The following ASTN2 variants were observed in gnomAD, a reference collection of about 807,000 sequenced individuals.
ASTN2 encodes astrotactin-2.
ASTN2 carries 54 observed loss-of-function variants against 139.8 expected under a neutral mutation model. The ratio of observed to expected loss-of-function variants is 0.39; its 90% CI spans 0.31 to 0.48. The LOEUF (loss-of-function observed/expected upper bound fraction) is 0.48. Among genes scored for constraint, ASTN2 ranks in the 20% least tolerant of loss-of-function variants. The pLI is 0.95. For synonymous variants in ASTN2, 756 were observed against 719.5 expected, an observed-to-expected ratio of 1.05 and a Z score of -0.81; for missense variants, 1,565 against 1,725.1, an observed-to-expected ratio of 0.91 and a Z score of 1.64.
intron 10 of ASTN2, among the ~76,000 whole-genome samples, chr9:116,944,669 A>G (rs1835334998): frequency 6.9e-6 from 1 of 144,326 alleles, no homozygotes; most frequent in African/African-American, 2.6e-5. Context: ...GCGACAGAGT[A>G]AGACTCTGTC....
At chr9:116,804,729 T>C (rs1390197580) in intron 13 of ASTN2, among the ~76,000 whole-genome samples, 1 of 152,158 alleles carries the variant, frequency 6.6e-6, no homozygotes, top group Non-Finnish European at 1.5e-5. Context: ...TGGTGACTTA[T>C]TACTAGTTCT....
At chr9:117,252,473 G>A (rs1379804982) in intron 2 of ASTN2, among the ~76,000 whole-genome samples, 1 of 152,066 alleles carries the variant, frequency 6.6e-6, no homozygotes, top group Non-Finnish European at 1.5e-5. Flanking sequence ...TGCCAGACAC[G>A]CACTACCACC....
At position 116,816,404 on chromosome 9, in the gene ASTN2, G is replaced by A. The variant is rs1177467940; in HGVS notation, c.2207+4213C>T. On this transcript the variant is annotated intron_variant, in intron 12 of 22. Transcript: ENST00000313400. ...GCTTCTGTCTACCATTCTGGTACTTGTGCTCTGTCAATATCAATCAGGACC... is the reference window on the plus strand; with the variant it reads ...GCTTCTGTCTACCATTCTGGTACTTATGCTCTGTCAATATCAATCAGGACC... 3.3e-5 allele frequency among the ~76,000 whole-genome samples: 5 copies of A among 152,240 alleles called. No individual in the cohort carries two copies. The East Asian group carries it at 7.7e-4, about 23-fold the overall frequency.
chr9:116,556,620 A>C (rs761315212), intron 19 of ASTN2, among the ~76,000 whole-genome samples: 1 of 152,182 alleles, frequency 6.6e-6, no homozygotes, highest in Non-Finnish European at 1.5e-5. Context: ...AGAGAGAGAA[A>C]GTGAAAAGAG....
chr9:117,324,918 A>G (rs1021501908), intron 1 of ASTN2, among the ~76,000 whole-genome samples: 14 of 152,132 alleles, frequency 9.2e-5, no homozygotes, highest in African/African-American at 3.4e-4. Flanking sequence ...GGATATATCT[A>G]TGGGCAGTGG....
intron 13 of ASTN2, among the ~76,000 whole-genome samples, chr9:116,784,929 CAAAAAAAAAA>C (rs58241855): frequency 9.6e-6 from 1 of 104,174 alleles, no homozygotes; most frequent in South Asian, 3.4e-4. Context: ...AACTCCGCCT[CAAAAAAAAAA>C]AAAAAAAAAA....
intron 13 of ASTN2, among the ~76,000 whole-genome samples, chr9:116,794,662 A>G (rs1830646543): frequency 6.6e-6 from 1 of 152,230 alleles, no homozygotes; most frequent in South Asian, 2.1e-4. Flanking sequence ...TGTAAAGCGT[A>G]TGAGCATCAA....
intron 5 of ASTN2, among the ~76,000 whole-genome samples, chr9:117,062,285 C>T (rs1190762617): frequency 6.6e-6 from 1 of 152,158 alleles, no homozygotes; most frequent in Admixed American, 6.6e-5. Context: ...TCACCTCACA[C>T]AAGAATAGGG....
intron 3 of ASTN2, among the ~76,000 whole-genome samples, chr9:117,168,678 A>G (rs1830722959): frequency 6.6e-6 from 1 of 152,184 alleles, no homozygotes; most frequent in Non-Finnish European, 1.5e-5. Context: ...TAAAGCCTTC[A>G]GTCATTACAG....
intron 5 of ASTN2, among the ~76,000 whole-genome samples, chr9:117,063,559 G>A (rs28633874): frequency 0.02 from 3,076 of 152,234 alleles, 92 homozygotes; most frequent in African/African-American, 0.07. Context: ...GGAACTGTAA[G>A]TCCAATTAAA....
chr9:116,946,768 G>T (rs975767609), intron 10 of ASTN2, among the ~76,000 whole-genome samples: 1 of 151,932 alleles, frequency 6.6e-6, no homozygotes, highest in Non-Finnish European at 1.5e-5. Context: ...GCAGGAAAAG[G>T]GTGGGGAGGA....
intron 16 of ASTN2, among the ~76,000 whole-genome samples, chr9:116,692,884 A>T (rs1860643491): frequency 6.6e-6 from 1 of 152,122 alleles, no homozygotes; most frequent in Admixed American, 6.5e-5. Flanking sequence ...CTAGCATTTC[A>T]TACTTAGTCT....
intron 20 of ASTN2, among the ~76,000 whole-genome samples, chr9:116,477,035 A>G (rs1564303662): frequency 1.4e-5 from 2 of 138,948 alleles, no homozygotes; most frequent in Admixed American, 1.5e-4. Context: ...CTCAGCTCCC[A>G]CCCCCTCCCC....
intron 10 of ASTN2, among the ~76,000 whole-genome samples, chr9:116,944,104 AT>A (rs1045316286): frequency 2.0e-5 from 3 of 151,984 alleles, no homozygotes; most frequent in African/African-American, 7.3e-5. Context: ...TAACTACCTT[AT>A]GGGGAAGTAC....
intron 19 of ASTN2, among the ~76,000 whole-genome samples, chr9:116,580,916 A>G (rs1199773045): frequency 6.6e-6 from 1 of 152,190 alleles, no homozygotes; most frequent in African/African-American, 2.4e-5. Flanking sequence ...CTAAAATAAC[A>G]GTTTTGTGAA....
intron 4 of ASTN2, among the ~76,000 whole-genome samples, chr9:117,139,066 A>G (rs1830015016): frequency 6.6e-6 from 1 of 152,216 alleles, no homozygotes; most frequent in African/African-American, 2.4e-5. Flanking sequence ...GAAAGGCTAT[A>G]GACTTGGAGT....
chr9:116,847,034 CA>C (rs1475576879), intron 11 of ASTN2, among the ~76,000 whole-genome samples: 1 of 118,766 alleles, frequency 8.4e-6, no homozygotes, highest in Non-Finnish European at 1.8e-5. Flanking sequence ...AAACAAAAAA[CA>C]AAAAACAAAA....
intron 22 of ASTN2, among the ~76,000 whole-genome samples, chr9:116,429,089 A>C (rs1408140983): frequency 6.6e-6 from 1 of 152,134 alleles, no homozygotes. Flanking sequence ...CTGTAATCCC[A>C]GAACTTTGGG....
intron 6 of ASTN2, among the ~76,000 whole-genome samples, chr9:117,032,915 T>G (rs1416005170): frequency 3.3e-5 from 5 of 152,156 alleles, no homozygotes; most frequent in African/African-American, 1.2e-4. Context: ...TAGTTCAACC[T>G]AAAAGATGAT....
Sources: gnomAD v4.1 joint callset for allele counts (sites outside exome capture counted in the v4.1 genomes callset) on GRCh38, gnomAD v4.1.1 for gene constraint, MANE v1.5 for transcripts, NCBI Gene and HGNC (gene_info 2026-07-23, HGNC 2026-07-21) for gene names.